Variants in CDK5RAP2 observed in about 807,000 individuals in gnomAD.
CDK5RAP2 encodes the protein CDK5 regulatory subunit associated protein 2.
A neutral mutation model predicts 232.9 loss-of-function variants in CDK5RAP2; 147 were observed. That is an observed-to-expected ratio of 0.63 (90% CI 0.55 to 0.72). The LOEUF (loss-of-function observed/expected upper bound fraction) is 0.72, where lower values mean the gene tolerates loss of function less well. Ranked by LOEUF, CDK5RAP2 falls within the 30% of genes least tolerant of loss-of-function variation. The probability of loss-of-function intolerance (pLI) is 0.00; values close to 1 mark genes in which losing one functional copy is unlikely to be tolerated. For synonymous variants in CDK5RAP2, 833 were observed against 833.7 expected, an observed-to-expected ratio of 1.00 and a Z score of 0.01; for missense variants, 2,195 against 2,231.5, an observed-to-expected ratio of 0.98 and a Z score of 0.33.
intron 16 of CDK5RAP2, among the ~76,000 whole-genome samples, chr9:120,471,368 T>C (rs777837836): frequency 6.6e-6 from 1 of 152,162 alleles, no homozygotes; most frequent in Non-Finnish European, 1.5e-5. Context: ...CACCCATATA[T>C]GTGTGCAGTC....
At chr9:120,570,399 G>A (rs2042810009) in intron 2 of CDK5RAP2, among the ~76,000 whole-genome samples, 1 of 152,162 alleles carries the variant, frequency 6.6e-6, no homozygotes, top group Non-Finnish European at 1.5e-5. Context: ...CACAGCACTT[G>A]ATACATCTTT....
chr9:120,492,566 C>T (rs2038961297), intron 12 of CDK5RAP2, among the ~76,000 whole-genome samples: 1 of 152,058 alleles, frequency 6.6e-6, no homozygotes, highest in Non-Finnish European at 1.5e-5. Flanking sequence ...GAAAAAAGAG[C>T]AAGCAAACAA....
intron 4 of CDK5RAP2, 128 bp downstream of exon 4, chr9:120,550,664 A>G (rs1486332756): frequency 5.5e-6 from 4 of 728,924 alleles, no homozygotes; most frequent in Admixed American, 3.9e-5. Context: ...TGCTCCCCAT[A>G]ATCAATTCAG....
chr9:120,514,942 T>C (rs1222217057), intron 12 of CDK5RAP2, among the ~76,000 whole-genome samples: 1 of 152,106 alleles, frequency 6.6e-6, no homozygotes. Flanking sequence ...ACAACAGAGG[T>C]ATACCTAAGA....
At chr9:120,390,636 G>A (rs547613210) in intron 36 of CDK5RAP2, among the ~76,000 whole-genome samples, 1 of 152,282 alleles carries the variant, frequency 6.6e-6, no homozygotes, top group Non-Finnish European at 1.5e-5. Flanking sequence ...TCAGAGTTCT[G>A]AGCCTGATAG....
At chr9:120,570,131 G>A (rs2042798316) in intron 2 of CDK5RAP2, among the ~76,000 whole-genome samples, 1 of 152,134 alleles carries the variant, frequency 6.6e-6, no homozygotes, top group Admixed American at 6.5e-5. Context: ...GCACAGAGGT[G>A]GGAGTGGGCA....
chr9:120,542,956 A>G (rs1344257309), intron 5 of CDK5RAP2, among the ~76,000 whole-genome samples: 1 of 152,100 alleles, frequency 6.6e-6, no homozygotes, highest in Non-Finnish European at 1.5e-5. Context: ...GGCTGGGAGG[A>G]GGTGAGAGGG....
chr9:120,522,239 G>A (rs1392669913), intron 11 of CDK5RAP2, among the ~76,000 whole-genome samples: 2 of 152,174 alleles, frequency 1.3e-5, no homozygotes, highest in Non-Finnish European at 2.9e-5. Flanking sequence ...CAATGACCTG[G>A]CAGTGATATT....
rs547311215 is a variant in CDK5RAP2, at chr9:120,482,167, GA to G, written c.1627-4718del. Reference sequence around the variant, plus strand: ...TCAAAGCCAACCAAGAAAGGTTGGGGAAAAAAAACAATAAATATGGATTTCT... The same window carrying G: ...TCAAAGCCAACCAAGAAAGGTTGGGGAAAAAAACAATAAATATGGATTTCT... On this transcript the variant is annotated intron_variant, in intron 14 of 37. Coordinates refer to ENST00000349780, the MANE Select transcript of CDK5RAP2 (RefSeq NM_018249.6). Among the ~76,000 whole-genome samples, 5 of 151,808 alleles carry G rather than the reference GA, an allele frequency of 3.3e-5. No individual in the cohort carries two copies. In the East Asian group the frequency reaches 5.8e-4, roughly 18 times the overall value.
At position 120,530,055 on chromosome 9, in the gene CDK5RAP2, G is replaced by C. The variant is rs370508904; in HGVS notation, c.748C>G (p.Pro250Ala). Residue 250 changes from proline (P) to alanine (A), a missense_variant, in exon 8 of 38, where the codon CCT (proline) becomes GCT (alanine). By Grantham distance (27) the Pro-to-Ala change is conservative. Coordinates refer to ENST00000349780, the MANE Select transcript of CDK5RAP2 (RefSeq NM_018249.6). ...LKEEKSQMAC[P>A]DENVSSGELR... ...TCTCCAGATGACACATTCTCATCAG[G>C]ACATGCCATCTGAGATTTCTCCTCT... 5 of 1,613,676 alleles carry C rather than the reference G, an allele frequency of 3.1e-6. No individual in the cohort carries two copies. Among genetic ancestry groups the C allele is most frequent in the Non-Finnish European group, 4.2e-6 (5 of 1,179,732 alleles).
intron 21 of CDK5RAP2, among the ~76,000 whole-genome samples, chr9:120,449,583 T>C (rs1245799421): frequency 6.6e-6 from 1 of 152,038 alleles, no homozygotes; most frequent in Non-Finnish European, 1.5e-5. Context: ...CAAATGGGGG[T>C]CTCTTCCAAC....
intron 15 of CDK5RAP2, among the ~76,000 whole-genome samples, chr9:120,474,345 C>T (rs540784153): frequency 1.3e-5 from 2 of 152,254 alleles, no homozygotes; most frequent in Non-Finnish European, 2.9e-5. Flanking sequence ...TGCCCCCACC[C>T]GCCAGGGGAC....
chr9:120,498,917 T>C (rs2039446088), intron 12 of CDK5RAP2, among the ~76,000 whole-genome samples: 1 of 152,098 alleles, frequency 6.6e-6, no homozygotes, highest in Non-Finnish European at 1.5e-5. Context: ...GATCATGATT[T>C]ATCTTTTTTT....
At chr9:120,541,428 C>T (rs1366782088) in intron 5 of CDK5RAP2, among the ~76,000 whole-genome samples, 1 of 152,180 alleles carries the variant, frequency 6.6e-6, no homozygotes, top group East Asian at 1.9e-4. Context: ...TTTCATTTAT[C>T]ATCTTTGTGC....
intron 1 of CDK5RAP2, among the ~76,000 whole-genome samples, chr9:120,578,842 C>G (rs1160048110): frequency 6.6e-6 from 1 of 152,198 alleles, no homozygotes; most frequent in Admixed American, 6.5e-5. Context: ...GCTAGGATTA[C>G]ACAGGTGAGC....
At chr9:120,515,845 C>T (rs1467555618) in intron 12 of CDK5RAP2, among the ~76,000 whole-genome samples, 6 of 152,126 alleles carry the variant, frequency 3.9e-5, no homozygotes, top group South Asian at 2.1e-4. Flanking sequence ...GTTAGAATGG[C>T]GATCATTAAA....
chr9:120,570,343 C>T (rs767578393), intron 2 of CDK5RAP2, among the ~76,000 whole-genome samples: 1 of 152,180 alleles, frequency 6.6e-6, no homozygotes, highest in Non-Finnish European at 1.5e-5. Context: ...GAAACTCTAG[C>T]CTGACCCACC....
At chr9:120,415,423 C>G (rs1210722252) in intron 27 of CDK5RAP2, among the ~76,000 whole-genome samples, 1 of 152,160 alleles carries the variant, frequency 6.6e-6, no homozygotes, top group Non-Finnish European at 1.5e-5. Context: ...AATTTTAATG[C>G]TAACTCTAAT....
At chr9:120,431,514 A>G (rs528250375) in intron 25 of CDK5RAP2, among the ~76,000 whole-genome samples, 1 of 152,334 alleles carries the variant, frequency 6.6e-6, no homozygotes, top group East Asian at 1.9e-4. Flanking sequence ...CAAGCACCCA[A>G]TAAAGATCAG....
Sources: gnomAD v4.1 joint callset for allele counts (sites outside exome capture counted in the v4.1 genomes callset) on GRCh38, gnomAD v4.1.1 for gene constraint, MANE v1.5 for transcripts, NCBI Gene and HGNC (gene_info 2026-07-23, HGNC 2026-07-21) for gene names.